Variants in C2CD5 observed in about 807,000 individuals in gnomAD.
C2CD5 encodes C2 calcium dependent domain containing 5.
C2CD5 carries 109 observed loss-of-function variants against 130.3 expected under a neutral mutation model. That is an observed-to-expected ratio of 0.84 (90% CI 0.72 to 0.98). The LOEUF is 0.98. C2CD5 is among the 50% of genes least tolerant of loss of function. The pLI is 0.00. For missense variants in C2CD5, 996 were observed against 1,261.8 expected, an observed-to-expected ratio of 0.79 and a Z score of 3.19; for synonymous variants, 454 against 429.2, an observed-to-expected ratio of 1.06 and a Z score of -0.71.
chr12:22,460,947 G>C (rs1043395360), intron 22 of C2CD5, among the ~76,000 whole-genome samples: 12 of 152,138 alleles, frequency 7.9e-5, no homozygotes, highest in Non-Finnish European at 1.2e-4. Flanking sequence ...GAATAAAAGG[G>C]ATCACCAGGT....
At chr12:22,520,106 T>C (rs770501683) in intron 7 of C2CD5, among the ~76,000 whole-genome samples, 76 of 152,134 alleles carry the variant, frequency 5.0e-4, no homozygotes, top group African/African-American at 1.2e-4. Context: ...AAGGATTACA[T>C]TGAATGTTGT....
intron 3 of C2CD5, chr12:22,534,666 G>A (rs763062116): frequency 1.3e-5 from 2 of 152,232 alleles, no homozygotes; most frequent in Non-Finnish European, 2.9e-5. Context: ...AAAGAAAGCA[G>A]ATACAACAGG....
At chr12:22,535,078 T>C (rs991952695) in intron 3 of C2CD5, 180 bp downstream of exon 3, 1 of 568,708 alleles carries the variant, frequency 1.8e-6, no homozygotes. Context: ...TCATATACTG[T>C]ATTTTCTTAA....
chr12:22,534,326 G>A (rs1951620899), intron 3 of C2CD5, among the ~76,000 whole-genome samples: 1 of 152,132 alleles, frequency 6.6e-6, no homozygotes, highest in Non-Finnish European at 1.5e-5. Context: ...CATGACCTTA[G>A]AGTTGACAAT....
intron 11 of C2CD5, among the ~76,000 whole-genome samples, chr12:22,491,920 C>G (rs1946407819): frequency 6.6e-6 from 1 of 151,444 alleles, no homozygotes; most frequent in African/African-American, 2.4e-5. Flanking sequence ...TTTCTAAGGC[C>G]TCAAAGTTTA....
chr12:22,457,263 G>T, intron 24 of C2CD5, 102 bp from the exon 25 acceptor site: 1 of 701,162 alleles, frequency 1.4e-6, no homozygotes, highest in Non-Finnish European at 2.3e-6. Flanking sequence ...AGCTGTCTGT[G>T]AGGCTAAGCC....
intron 2 of C2CD5, among the ~76,000 whole-genome samples, chr12:22,542,377 T>A (rs1019716884): frequency 6.6e-6 from 1 of 152,270 alleles, no homozygotes; most frequent in Non-Finnish European, 1.5e-5. Flanking sequence ...AGCTTCCTTG[T>A]CGCTCCTTAT....
At chr12:22,498,986 GATT>G (rs1239640464) in intron 10 of C2CD5, among the ~76,000 whole-genome samples, 2 of 152,058 alleles carry the variant, frequency 1.3e-5, no homozygotes, top group Non-Finnish European at 2.9e-5. Flanking sequence ...CAACTATCAA[GATT>G]ATCACTGATT....
intron 3 of C2CD5, among the ~76,000 whole-genome samples, chr12:22,530,111 T>TAC (rs199603129): frequency 0.021 from 1,836 of 87,406 alleles, 40 homozygotes; most frequent in African/African-American, 0.039. Flanking sequence ...TATATATATA[T>TAC]ACACACACAC....
intron 12 of C2CD5, among the ~76,000 whole-genome samples, chr12:22,487,996 A>C (rs1945777992): frequency 1.4e-5 from 2 of 144,436 alleles, no homozygotes; most frequent in African/African-American, 5.1e-5. Flanking sequence ...GGTGGGAATG[A>C]GAACACATGG....
intron 5 of C2CD5, among the ~76,000 whole-genome samples, chr12:22,525,403 T>C (rs1007842141): frequency 6.6e-6 from 1 of 152,184 alleles, no homozygotes. Context: ...ATTTTTCTAA[T>C]AAAAATTTCT....
At position 22,544,336 on chromosome 12, in the gene C2CD5, G is replaced by T; in HGVS notation, c.-46C>A. The T allele has an allele frequency of 2.0e-6, 1 of 509,780 alleles. No individual in the cohort carries two copies. Among genetic ancestry groups the T allele is most frequent in the East Asian group, 3.6e-5 (1 of 28,134 alleles). 31.6% of individuals were successfully genotyped at this position (509,780 alleles called of 1,614,324 possible). ...GCCACTCACTGTCGCAGGAGGAAGGGTGCTGTCCCGCGCGGGTGCTGAGAC... is the reference window on the plus strand; with the variant it reads ...GCCACTCACTGTCGCAGGAGGAAGGTTGCTGTCCCGCGCGGGTGCTGAGAC... On this transcript the variant is annotated 5_prime_UTR_variant, in exon 1 of 27. Transcript: ENST00000446597.
At chr12:22,528,133 C>T (rs1950892140) in intron 3 of C2CD5, among the ~76,000 whole-genome samples, 1 of 152,010 alleles carries the variant, frequency 6.6e-6, no homozygotes, top group East Asian at 1.9e-4. Context: ...TGACTAACAA[C>T]AAAAAAATTT....
chr12:22,497,803 T>C (rs1019128839), intron 10 of C2CD5, among the ~76,000 whole-genome samples: 2 of 152,040 alleles, frequency 1.3e-5, no homozygotes, highest in African/African-American at 4.8e-5. Context: ...ATATAATCCA[T>C]GTTTGACCAA....
chr12:22,497,905 CAT>C (rs1491083205), intron 10 of C2CD5, among the ~76,000 whole-genome samples: 59 of 99,334 alleles, frequency 5.9e-4, no homozygotes, highest in African/African-American at 2.2e-3. Flanking sequence ...CATGCACACA[CAT>C]ACACACACAC....
At position 22,472,796 on chromosome 12, in the gene C2CD5, T is replaced by C. The variant is rs1248451255; in HGVS notation, c.2055A>G (p.Thr685=). The C allele has an allele frequency of 3.2e-6, 5 of 1,559,948 alleles. No homozygotes were observed. Among genetic ancestry groups the C allele is most frequent in the Non-Finnish European group, 4.4e-6 (5 of 1,131,120 alleles). The change falls in exon 17 of 27, where the codon ACA becomes ACG. Residue 685 remains threonine (T), a synonymous_variant. Transcript: ENST00000446597. ...KDAFVLEIDD[T]DAMEDVHSLL... ...GAGAATGGACATCTTCCATGGCATC[T>C]GTGTCATCAATCTTAAAATAGAGAT... is the stretch of plus-strand genomic sequence containing the variant.
intron 2 of C2CD5, among the ~76,000 whole-genome samples, chr12:22,542,472 C>T (rs1485357503): frequency 2.0e-5 from 3 of 152,260 alleles, no homozygotes; most frequent in Non-Finnish European, 2.9e-5. Flanking sequence ...ATATCTCATA[C>T]CCTTTCCTCC....
In C2CD5 at chr12:22,478,377, T is replaced by A; in HGVS notation, c.1838A>T (p.His613Leu). 4 of 1,612,732 alleles carry A rather than the reference T, an allele frequency of 2.5e-6. No homozygotes were observed. The highest frequency in any genetic ancestry group is 3.4e-6 in the Non-Finnish European group (4 of 1,178,784). ...NDGSYEQHIS[H>L]MQKKINDTIA... ...TGTGTCATTTATCTTCTTCTGCATA[T>A]GAGAGATGTGTTGTTCATATGAGCC... The change falls in exon 15 of 27, where the codon CAT becomes CTT. Residue 613 changes from histidine (H) to leucine (L), a missense_variant. This residue lies in a region of C2CD5 where 590 missense variants were observed against 631.4 expected (regional missense o/e 0.93). Coordinates refer to ENST00000446597, the MANE Select transcript of C2CD5 (RefSeq NM_001286176.2).
Position 22,472,744 on chromosome 12 carries a change from C to T in C2CD5, c.2107G>A (p.Gly703Ser), listed in dbSNP as rs764449055. 1 of 1,543,466 alleles carries T rather than the reference C, an allele frequency of 6.5e-7. No homozygotes were observed. Among genetic ancestry groups the T allele is most frequent in the Non-Finnish European group, 9.0e-7 (1 of 1,116,646 alleles). ...TCTCAAAGATAACTTTTTTGTTCAC[C>T]TGAAGGAGGAGGAACATCAGTAAGT... ...SLLTDVPPPSGFYSCNTEIMP... is the reference protein window; with the variant it reads ...SLLTDVPPPSSFYSCNTEIMP... Residue 703 changes from glycine (G) to serine (S), a missense_variant and splice_region_variant, in exon 17 of 27, where the codon GGC (glycine) becomes AGC (serine). Around this residue, in one of 9 missense-constraint regions of C2CD5, gnomAD observed 590 missense variants for 631.4 expected, o/e 0.93. Coordinates refer to ENST00000446597, the MANE Select transcript of C2CD5 (RefSeq NM_001286176.2).
Sources: allele counts gnomAD v4.1 joint callset (sites outside exome capture counted in the v4.1 genomes callset), GRCh38; gene constraint gnomAD v4.1.1; regional missense constraint gnomAD v4.1.1; transcripts MANE v1.5; gene names NCBI Gene and HGNC (gene_info 2026-07-23, HGNC 2026-07-21).